The following GPC4 variants were observed in gnomAD, a reference collection of about 807,000 sequenced individuals.
GPC4 encodes the protein glypican-4.
A neutral mutation model predicts 35.0 loss-of-function variants in GPC4; 10 were observed. The ratio of observed to expected loss-of-function variants is 0.29; its 90% CI spans 0.18 to 0.48. GPC4 has a LOEUF of 0.48. Ranked by LOEUF, GPC4 falls within the 20% of genes least tolerant of loss-of-function variation. The pLI is 0.99. For synonymous variants in GPC4, 167 were observed against 170.2 expected, an observed-to-expected ratio of 0.98 and a Z score of 0.15; for missense variants, 322 against 451.3, an observed-to-expected ratio of 0.71 and a Z score of 2.60.
intron 1 of GPC4, among the ~76,000 whole-genome samples, chrX:133,393,631 G>T (rs958814341): frequency 6.3e-5 from 7 of 110,546 alleles, no homozygotes; most frequent in Non-Finnish European, 1.3e-4. Flanking sequence ...TTAGGCATAA[G>T]GGTAAAGTTT....
chrX:133,334,806 C>G (rs1387191972), intron 2 of GPC4, among the ~76,000 whole-genome samples: 1 of 111,910 alleles, frequency 8.9e-6, no homozygotes, highest in Non-Finnish European at 1.9e-5. Context: ...AATAGACTAG[C>G]ATCAGACAAC....
chrX:133,340,548 G>C (rs771469940), intron 1 of GPC4, among the ~76,000 whole-genome samples: 3 of 111,704 alleles, frequency 2.7e-5, no homozygotes, highest in Non-Finnish European at 5.6e-5. Context: ...ATCAACAAAG[G>C]GATGGGGAAT....
In GPC4 at chrX:133,302,794, A is replaced by T; in HGVS notation, c.*73T>A. The T allele has an allele frequency of 9.9e-7, 1 of 1,014,573 alleles. No homozygotes were observed. The highest frequency in any genetic ancestry group is 1.4e-6 in the Non-Finnish European group (1 of 726,170). The allele number at this position is 1,014,573 out of a possible 1,213,427, so 83.6% of individuals were successfully genotyped here. ...GTCCATTCATTTAAAAAGCAAAGTC[A>T]CTAGGATGGTAGAAAAGTGATAACT... On this transcript the variant is annotated 3_prime_UTR_variant, in exon 9 of 9. Coordinates refer to ENST00000370828, the MANE Select transcript of GPC4 (RefSeq NM_001448.3).
At chrX:133,352,809 G>A (rs997030928) in intron 1 of GPC4, among the ~76,000 whole-genome samples, 14 of 111,013 alleles carry the variant, frequency 1.3e-4, no homozygotes. Flanking sequence ...ATAAAAAGGT[G>A]CCTGAACTCA....
intron 3 of GPC4, among the ~76,000 whole-genome samples, chrX:133,321,672 A>T (rs1233317719): frequency 8.9e-6 from 1 of 112,002 alleles, no homozygotes; most frequent in Non-Finnish European, 1.9e-5. Flanking sequence ...CCACAATGCA[A>T]ATAACTTTGA....
chrX:133,371,077 G>A (rs942479384), intron 1 of GPC4, among the ~76,000 whole-genome samples: 2 of 112,053 alleles, frequency 1.8e-5, no homozygotes, highest in Non-Finnish European at 3.8e-5. Context: ...ACACACACCC[G>A]TACACACACA....
chrX:133,380,062 C>T (rs915315584), intron 1 of GPC4, among the ~76,000 whole-genome samples: 3 of 110,706 alleles, frequency 2.7e-5, no homozygotes, highest in Admixed American at 9.7e-5. Context: ...GTGGGCCGGG[C>T]GTGGTGGCTC....
chrX:133,388,354 A>G (rs113786786), intron 1 of GPC4, among the ~76,000 whole-genome samples: 2,198 of 112,109 alleles, frequency 0.02, 56 homozygotes, highest in African/African-American at 0.068. Flanking sequence ...AGGCTTCTGG[A>G]CATGTATGAC....
At chrX:133,310,170 C>A (rs1420870468) in intron 4 of GPC4, among the ~76,000 whole-genome samples, 2 of 111,208 alleles carry the variant, frequency 1.8e-5, no homozygotes, top group African/African-American at 6.5e-5. Flanking sequence ...ATTAACACCC[C>A]TCACCTCCCC....
chrX:133,377,404 C>T (rs1428817836), intron 1 of GPC4, among the ~76,000 whole-genome samples: 3 of 111,866 alleles, frequency 2.7e-5, no homozygotes, highest in Non-Finnish European at 5.6e-5. Flanking sequence ...CCCAGTACTA[C>T]CCAAATTATT....
chrX:133,381,434 G>A (rs1287048048), intron 1 of GPC4, among the ~76,000 whole-genome samples: 1 of 111,744 alleles, frequency 8.9e-6, no homozygotes, highest in Non-Finnish European at 1.9e-5. Context: ...GTAGAAATAC[G>A]CAAAACACAT....
Position 133,351,439 on chromosome X carries a change from A to G in GPC4, c.161-12098T>C, listed in dbSNP as rs754947750. Among the ~76,000 whole-genome samples, 10 of 105,045 alleles carry G rather than the reference A, an allele frequency of 9.5e-5. No homozygotes were observed. The East Asian group carries it at 2.5e-3, about 26-fold the overall frequency. The allele number at this position is 105,045 out of a possible 115,157, so 91.2% of individuals were successfully genotyped here. ...CGTGCAATGGTTTTCCATTCTCTAC[A>G]TATGCATTAGCCACCTGAGAAACAC... On this transcript the variant is annotated intron_variant, in intron 1 of 8. Transcript: ENST00000370828.
At chrX:133,340,526 T>A (rs2068462156) in intron 1 of GPC4, among the ~76,000 whole-genome samples, 1 of 111,875 alleles carries the variant, frequency 8.9e-6, no homozygotes, top group Non-Finnish European at 1.9e-5. Context: ...CTGTCAATGG[T>A]AAGTGTGACC....
At chrX:133,381,347 C>T (rs976862254) in intron 1 of GPC4, among the ~76,000 whole-genome samples, 2 of 112,437 alleles carry the variant, frequency 1.8e-5, no homozygotes, top group Non-Finnish European at 3.7e-5. Context: ...GAAAATTTCA[C>T]GTTTCCTTAT....
rs191817884 is a variant in GPC4 at position 133,398,973 on chromosome X, C to T, written c.160+15833G>A. ...TTACAATCCTAATCTCCCTGGCCAG[C>T]CTATGCACTTGCTCCCTGCACAGCC... On this transcript the variant is annotated intron_variant, in intron 1 of 8. Transcript: ENST00000370828. Among the ~76,000 whole-genome samples, 216 of 111,258 alleles carry T rather than the reference C, an allele frequency of 1.9e-3. 1 individual carries two copies. Among genetic ancestry groups the T allele is most frequent in the African/African-American group, 6.8e-3 (209 of 30,652 alleles).
chrX:133,415,030 G>GGGCCGAGGGCT lies in GPC4; in HGVS notation c.-76_-66dup. 9.1e-7 allele frequency: 1 copy of GGGCCGAGGGCT among 1,097,475 alleles called. No individual in the cohort carries two copies. The highest frequency in any genetic ancestry group is 1.2e-6 in the Non-Finnish European group (1 of 809,655). 90.4% of individuals were successfully genotyped at this position (1,097,475 alleles called of 1,213,427 possible). On this transcript the variant is annotated 5_prime_UTR_variant, in exon 1 of 9. Coordinates refer to ENST00000370828, the MANE Select transcript of GPC4 (RefSeq NM_001448.3). ...GGACGGGAAGCGGCGCTACGGCAGC[G>GGGCCGAGGGCT]GGCCGAGGGCTGGCGGAGTCGGGGA...
chrX:133,341,089 G>A (rs761636516), intron 1 of GPC4, among the ~76,000 whole-genome samples: 21 of 111,974 alleles, frequency 1.9e-4, no homozygotes, highest in Non-Finnish European at 3.4e-4. Context: ...GGGTTGCTAA[G>A]GCTCGGTTTT....
At chrX:133,341,118 C>A (rs1399526855) in intron 1 of GPC4, among the ~76,000 whole-genome samples, 2 of 111,864 alleles carry the variant, frequency 1.8e-5, no homozygotes, top group Non-Finnish European at 3.8e-5. Flanking sequence ...ACCTTTGTTA[C>A]AACCAAAAAC....
intron 1 of GPC4, among the ~76,000 whole-genome samples, chrX:133,385,165 G>T (rs1316890646): frequency 8.9e-6 from 1 of 112,094 alleles, no homozygotes; most frequent in Non-Finnish European, 1.9e-5. Flanking sequence ...TCACAGGAAG[G>T]CATTCTTTTT....
Sources: gnomAD v4.1 joint callset for allele counts (sites outside exome capture counted in the v4.1 genomes callset) on GRCh38, gnomAD v4.1.1 for gene constraint, MANE v1.5 for transcripts, NCBI Gene and HGNC (gene_info 2026-07-23, HGNC 2026-07-21) for gene names.